The following TNNI3K variants were observed in gnomAD, a reference collection of about 807,000 sequenced individuals.
TNNI3K encodes the protein TNNI3 interacting kinase.
TNNI3K carries 140 observed loss-of-function variants against 114.5 expected under a neutral mutation model. The observed-to-expected ratio is 1.22, with a 90% CI of 1.07 to 1.41. The LOEUF is 1.41. Among genes scored for constraint, TNNI3K ranks in the 40% most tolerant of loss-of-function variants. The pLI, the probability that TNNI3K is intolerant of heterozygous loss-of-function variation, is 0.00. For synonymous variants in TNNI3K, 347 were observed against 347.5 expected (o/e 1.00, Z 0.02); for missense variants, 1,125 against 1,007.6 (o/e 1.12, Z -1.58).
intron 5 of TNNI3K, among the ~76,000 whole-genome samples, chr1:74,324,431 G>C (rs988857836): frequency 1.3e-5 from 2 of 152,192 alleles, no homozygotes; most frequent in Non-Finnish European, 2.9e-5. Context: ...CTGCCAATAT[G>C]ATGATCACTG....
At chr1:74,422,854 C>T (rs1261410415) in intron 17 of TNNI3K, among the ~76,000 whole-genome samples, 5 of 152,174 alleles carry the variant, frequency 3.3e-5, no homozygotes, top group East Asian at 1.9e-4. Flanking sequence ...CTGGATAGCT[C>T]GTAGACATCT....
intron 21 of TNNI3K, among the ~76,000 whole-genome samples, chr1:74,485,092 A>G (rs1006141411): frequency 1.3e-5 from 2 of 152,196 alleles, no homozygotes; most frequent in Non-Finnish European, 2.9e-5. Flanking sequence ...AAACCATTGT[A>G]TCAAAGAACT....
At chr1:74,396,579 A>G (rs1664093211) in intron 17 of TNNI3K, among the ~76,000 whole-genome samples, 1 of 152,238 alleles carries the variant, frequency 6.6e-6, no homozygotes, top group South Asian at 2.1e-4. Flanking sequence ...AAGGACAGCC[A>G]TGACCATTTG....
intron 5 of TNNI3K, among the ~76,000 whole-genome samples, chr1:74,273,827 C>T (rs989785736): frequency 6.6e-6 from 1 of 151,844 alleles, no homozygotes; most frequent in South Asian, 2.1e-4. Flanking sequence ...AGTATAGATA[C>T]ATTAGCCTTT....
chr1:74,424,383 T>C (rs914551298), intron 17 of TNNI3K, among the ~76,000 whole-genome samples: 2 of 151,952 alleles, frequency 1.3e-5, no homozygotes, highest in Non-Finnish European at 2.9e-5. Flanking sequence ...TCAGTGAAGA[T>C]GTAGAAGCAG....
intron 5 of TNNI3K, among the ~76,000 whole-genome samples, chr1:74,287,466 A>C (rs915781115): frequency 2.4e-4 from 36 of 152,354 alleles, no homozygotes; most frequent in South Asian, 6.2e-4. Flanking sequence ...CACCATGAGA[A>C]AAGTGACTCA....
chr1:74,338,667 T>C (rs1660601206), intron 7 of TNNI3K, among the ~76,000 whole-genome samples: 1 of 152,162 alleles, frequency 6.6e-6, no homozygotes, highest in African/African-American at 2.4e-5. Flanking sequence ...AGCTAATCAA[T>C]GTTTTTTATC....
rs779354276 is a variant in TNNI3K, at chr1:74,439,501, G to C, written c.1890G>C (p.Trp630Cys). 1 of 1,612,346 alleles carries C rather than the reference G, an allele frequency of 6.2e-7. No homozygotes were observed. The highest frequency in any genetic ancestry group is 1.1e-5 in the South Asian group (1 of 90,884). The change falls in exon 20 of 25, where the codon TGG (tryptophan) becomes TGC (cysteine). Residue 630 changes from tryptophan to cysteine, a missense_variant. Transcript: ENST00000326637. The part of the protein sequence containing the change: ...NMTKQPGNLR[W>C]MAPEVFTQCT... ...TTCTTGATGTGCAGAACCTCCGTTG[G>C]ATGGCTCCTGAGGTGTTCACGCAGT...
chr1:74,302,438 G>T (rs1557484794), intron 5 of TNNI3K, among the ~76,000 whole-genome samples: 1 of 152,188 alleles, frequency 6.6e-6, no homozygotes, highest in African/African-American at 2.4e-5. Context: ...AATAATTAAG[G>T]TCAGTGAGAA....
intron 5 of TNNI3K, among the ~76,000 whole-genome samples, chr1:74,318,573 CCT>C (rs539912705): frequency 1.8e-3 from 279 of 152,276 alleles, no homozygotes; most frequent in African/African-American, 6.2e-3. Context: ...TTGATCCTCC[CCT>C]GTTTGCTTAG....
chr1:74,280,512 T>G (rs1656950393), intron 5 of TNNI3K, among the ~76,000 whole-genome samples: 1 of 152,184 alleles, frequency 6.6e-6, no homozygotes, highest in Admixed American at 6.5e-5. Flanking sequence ...AGAATCCATG[T>G]GTCTGGGAGA....
intron 17 of TNNI3K, among the ~76,000 whole-genome samples, chr1:74,431,771 G>C (rs529917336): frequency 1.3e-5 from 2 of 152,120 alleles, no homozygotes. Context: ...TGCAAGGTTG[G>C]CTGGGCACGC....
chr1:74,512,245 G>A (rs191384463), intron 23 of TNNI3K, among the ~76,000 whole-genome samples: 2 of 152,292 alleles, frequency 1.3e-5, no homozygotes, highest in Admixed American at 1.3e-4. Context: ...CATGGAGCTA[G>A]GGATAATATG....
chr1:74,261,461 G>A (rs534972972), intron 4 of TNNI3K, among the ~76,000 whole-genome samples: 1 of 152,136 alleles, frequency 6.6e-6, no homozygotes, highest in South Asian at 2.1e-4. Flanking sequence ...TATATAAGCA[G>A]ATTTTCTAAT....
At chr1:74,525,290 C>A (rs774575122) in intron 23 of TNNI3K, among the ~76,000 whole-genome samples, 1 of 152,182 alleles carries the variant, frequency 6.6e-6, no homozygotes, top group Non-Finnish European at 1.5e-5. Context: ...TGCGTGTATA[C>A]CATCTCATAT....
At chr1:74,439,218 G>A (rs1666267010) in intron 19 of TNNI3K, 1 of 303,138 alleles carries the variant, frequency 3.3e-6, no homozygotes, top group Non-Finnish European at 6.0e-6. Flanking sequence ...TTAATTACTT[G>A]TGTGATGTTT....
At chr1:74,474,011 C>G (rs565347150) in intron 21 of TNNI3K, among the ~76,000 whole-genome samples, 11 of 152,024 alleles carry the variant, frequency 7.2e-5, no homozygotes, top group Non-Finnish European at 1.3e-4. Flanking sequence ...CCTCAAATAC[C>G]TGCCCTCTCT....
intron 5 of TNNI3K, among the ~76,000 whole-genome samples, chr1:74,317,145 G>T (rs1485210668): frequency 6.6e-6 from 1 of 152,044 alleles, no homozygotes; most frequent in Non-Finnish European, 1.5e-5. Flanking sequence ...ATTATTCTCA[G>T]TTCCTAACAC....
At chr1:74,284,183 C>T (rs1444688709) in intron 5 of TNNI3K, among the ~76,000 whole-genome samples, 1 of 152,188 alleles carries the variant, frequency 6.6e-6, no homozygotes, top group Non-Finnish European at 1.5e-5. Flanking sequence ...ACTTACTTTT[C>T]TCAGGGATGA....
Sources: gnomAD v4.1 joint callset for allele counts (sites outside exome capture counted in the v4.1 genomes callset) on GRCh38, gnomAD v4.1.1 for gene constraint, MANE v1.5 for transcripts, NCBI Gene and HGNC (gene_info 2026-07-23, HGNC 2026-07-21) for gene names.